HDAC9: variants seen among roughly 807,000 people sequenced by gnomAD.
HDAC9 encodes the protein MEF-2 interacting transcription repressor (MITR) protein.
Under a neutral mutation model 139.4 loss-of-function variants are expected in HDAC9, and 41 were observed. That is an observed-to-expected ratio of 0.29 (90% confidence interval 0.23 to 0.38). HDAC9 has a LOEUF of 0.38. Among genes scored for constraint, HDAC9 ranks in the 10% least tolerant of loss-of-function variants. HDAC9 has a pLI of 1.00. For missense variants in HDAC9, 1,147 were observed against 1,297.0 expected, an observed-to-expected ratio of 0.88 and a Z score of 1.78; for synonymous variants, 517 against 476.2, an observed-to-expected ratio of 1.09 and a Z score of -1.12.
In HDAC9 at chr7:18,984,951, T is replaced by G. The variant is rs1785214150; in HGVS notation, c.3170+8998T>G. Among the ~76,000 whole-genome samples the G allele has an allele frequency of 2.6e-5, 4 of 152,206 alleles. No homozygotes were observed. In the South Asian group the frequency reaches 6.2e-4, roughly 24 times the overall value. On this transcript the variant is annotated intron_variant, in intron 25 of 25. Transcript: ENST00000686413. Reference sequence around the variant, plus strand: ...TTTGCTTTTGTTGGGCTTTTATTTCTGCACAGCCTTGTGATATGAGGGAAT... The same window carrying G: ...TTTGCTTTTGTTGGGCTTTTATTTCGGCACAGCCTTGTGATATGAGGGAAT...
chr7:18,385,178 C>A (rs529493715), intron 1 of HDAC9, among the ~76,000 whole-genome samples: 1 of 152,120 alleles, frequency 6.6e-6, no homozygotes, highest in Admixed American at 6.6e-5. Context: ...TGATAGGCAC[C>A]TTACTGCAAA....
At chr7:18,485,336 T>C (rs1025098155) in intron 1 of HDAC9, among the ~76,000 whole-genome samples, 5 of 152,070 alleles carry the variant, frequency 3.3e-5, no homozygotes, top group African/African-American at 1.2e-4. Context: ...CATATCTTAT[T>C]TGGCAGTTAG....
intron 1 of HDAC9, among the ~76,000 whole-genome samples, chr7:18,462,493 A>G (rs1367840820): frequency 6.6e-6 from 1 of 152,062 alleles, no homozygotes; most frequent in East Asian, 1.9e-4. Context: ...ATGCCAGTGC[A>G]TTAGAATTAT....
chr7:18,696,862 C>G (rs184733543), intron 12 of HDAC9, among the ~76,000 whole-genome samples: 1 of 151,926 alleles, frequency 6.6e-6, no homozygotes, highest in African/African-American at 2.4e-5. Flanking sequence ...TGGCACTTAT[C>G]AAACAGAACA....
rs559856883 is a variant in HDAC9 at position 18,583,496 on chromosome 7, A to T, written c.23-1785A>T. On this transcript the variant is annotated intron_variant, in intron 2 of 25. Coordinates refer to ENST00000686413, the MANE Select transcript of HDAC9 (RefSeq NM_178425.4). ...AGAACTTGGGAGCTCAGGCAGGAGGATCACTTGAGGTCAGGAATTCAAGAC... is the reference window on the plus strand; with the variant it reads ...AGAACTTGGGAGCTCAGGCAGGAGGTTCACTTGAGGTCAGGAATTCAAGAC... Among the ~76,000 whole-genome samples, 5 of 152,188 alleles carry T rather than the reference A, an allele frequency of 3.3e-5. No homozygotes were observed. The East Asian group carries it at 9.6e-4, about 29-fold the overall frequency.
chr7:18,733,025 A>C (rs142807966), intron 13 of HDAC9, among the ~76,000 whole-genome samples: 5 of 142,106 alleles, frequency 3.5e-5, no homozygotes, highest in African/African-American at 5.4e-5. Context: ...GTGTGTATAT[A>C]TGTATATATA....
At chr7:18,158,698 A>G (rs1787402572) in intron 1 of HDAC9, among the ~76,000 whole-genome samples, 1 of 152,252 alleles carries the variant, frequency 6.6e-6, no homozygotes, top group African/African-American at 2.4e-5. Context: ...TCTTTGTGAC[A>G]TATAAAGCTC....
intron 6 of HDAC9, among the ~76,000 whole-genome samples, chr7:18,604,836 C>T (rs10267142): frequency 0.023 from 3,505 of 152,258 alleles, 140 homozygotes; most frequent in African/African-American, 0.08. Context: ...GAACCCTTAA[C>T]ATACTACTTT....
intron 12 of HDAC9, among the ~76,000 whole-genome samples, chr7:18,669,216 T>G (rs1189796043): frequency 6.6e-6 from 1 of 151,808 alleles, no homozygotes; most frequent in Non-Finnish European, 1.5e-5. Flanking sequence ...AAATTATTTT[T>G]AAAAAGCTTA....
chr7:18,885,408 T>TA, intron 22 of HDAC9, among the ~76,000 whole-genome samples: 1 of 152,242 alleles, frequency 6.6e-6, no homozygotes, highest in East Asian at 1.9e-4. Context: ...ATTTTGTTTT[T>TA]ATGATTAAAT....
In HDAC9 at chr7:18,916,357, T is replaced by A. The variant is rs1184405135; in HGVS notation, c.2804-19452T>A. On this transcript the variant is annotated intron_variant, in intron 22 of 25. Transcript: ENST00000686413. The stretch of plus-strand genomic sequence containing the variant: ...GGACTTTGATATCATCTGCAATAAT[T>A]TCTTAGTTTTACAAATGAGAAAGTG... Among the ~76,000 whole-genome samples the A allele has an allele frequency of 2.6e-5, 4 of 152,018 alleles. No homozygotes were observed. In the East Asian group the frequency reaches 7.7e-4, roughly 29 times the overall value.
chr7:18,591,533 G>C lies in HDAC9; in HGVS notation c.433G>C (p.Glu145Gln). ...TATTTCAGGGGCAGTGGCAAGTACA[G>C]AAGTAAAGCAGAAGCTTCAAGAGTT... ...RGRERAVASTEVKQKLQEFLL... is the reference protein window; with the variant it reads ...RGRERAVASTQVKQKLQEFLL... Residue 145 changes from glutamate (E) to glutamine (Q), a missense_variant, in exon 5 of 26, where the codon GAA becomes CAA. This residue lies in a region of HDAC9 where 136 missense variants were observed against 183.5 expected (regional missense o/e 0.74). Transcript: ENST00000686413. The C allele has an allele frequency of 2.5e-6, 4 of 1,595,396 alleles. No homozygotes were observed. Among genetic ancestry groups the C allele is most frequent in the Non-Finnish European group, 3.4e-6 (4 of 1,170,982 alleles).
intron 22 of HDAC9, among the ~76,000 whole-genome samples, chr7:18,908,224 A>G (rs180695994): frequency 6.6e-6 from 1 of 152,144 alleles, no homozygotes; most frequent in Admixed American, 6.5e-5. Context: ...TAATTTTTTT[A>G]TTCTTTGTAC....
chr7:18,247,943 A>G (rs1794664057), intron 2 of HDAC9, among the ~76,000 whole-genome samples: 3 of 152,202 alleles, frequency 2.0e-5, no homozygotes, highest in Non-Finnish European at 4.4e-5. Flanking sequence ...GTTAGCTTAT[A>G]ACTGTTTCTA....
chr7:18,799,741 A>G (rs1421516627), intron 17 of HDAC9, among the ~76,000 whole-genome samples: 1 of 152,220 alleles, frequency 6.6e-6, no homozygotes, highest in Non-Finnish European at 1.5e-5. Context: ...AGAAAAGAGA[A>G]TGAAGAAAAA....
Position 18,727,741 on chromosome 7 carries a change from G to A in HDAC9, c.1893G>A (p.Gln631=). 1 of 1,532,082 alleles carries A rather than the reference G, an allele frequency of 6.5e-7. No individual in the cohort carries two copies. The highest frequency in any genetic ancestry group is 8.7e-7 in the Non-Finnish European group (1 of 1,148,358). 94.9% of individuals were successfully genotyped at this position (1,532,082 alleles called of 1,614,324 possible). ...LPHPAMDRPL[Q]PGSATGIAYD... The stretch of plus-strand genomic sequence containing the variant: ...ACCCAGCAATGGACCGCCCCCTCCA[G>A]CCTGGCTCTGCAACTGGTAGGAATC... The change falls in exon 13 of 26, where the codon CAG becomes CAA. Residue 631 remains glutamine (Q), a synonymous_variant. Coordinates refer to ENST00000686413, the MANE Select transcript of HDAC9 (RefSeq NM_178425.4).
At chr7:18,841,126 T>A (rs1450554906) in intron 21 of HDAC9, among the ~76,000 whole-genome samples, 1 of 152,082 alleles carries the variant, frequency 6.6e-6, no homozygotes, top group East Asian at 1.9e-4. Flanking sequence ...TCTTATTTTA[T>A]AAAATATATC....
chr7:18,363,622 C>A (rs775804376), intron 1 of HDAC9, among the ~76,000 whole-genome samples: 6 of 152,130 alleles, frequency 3.9e-5, no homozygotes, highest in Non-Finnish European at 8.8e-5. Flanking sequence ...GTTTCTCCAT[C>A]TGCTTCCTAT....
intron 2 of HDAC9, among the ~76,000 whole-genome samples, chr7:18,253,657 C>T (rs1795065536): frequency 6.6e-6 from 1 of 152,146 alleles, no homozygotes; most frequent in African/African-American, 2.4e-5. Context: ...ACCATGTCAC[C>T]ATCCAGTTTG....
Sources: allele counts gnomAD v4.1 joint callset (sites outside exome capture counted in the v4.1 genomes callset), GRCh38; gene constraint gnomAD v4.1.1; regional missense constraint gnomAD v4.1.1; transcripts MANE v1.5; gene names NCBI Gene and HGNC (gene_info 2026-07-23, HGNC 2026-07-21).